The following FRMD4A variants were observed in gnomAD, a reference collection of about 807,000 sequenced individuals.
The protein encoded by FRMD4A is FERM domain containing 4A.
FRMD4A carries 29 observed loss-of-function variants against 129.1 expected under a neutral mutation model. The ratio of observed to expected loss-of-function variants is 0.22; its 90% confidence interval spans 0.17 to 0.31. FRMD4A has a LOEUF of 0.31. FRMD4A is among the 10% of genes least tolerant of loss of function. FRMD4A has a pLI of 1.00. For missense variants in FRMD4A, 1,272 were observed against 1,375.8 expected (o/e 0.92, Z 1.19); for synonymous variants, 634 against 571.6 (o/e 1.11, Z -1.56).
At chr10:14,154,154 T>C (rs1453937088) in intron 2 of FRMD4A, among the ~76,000 whole-genome samples, 3 of 152,178 alleles carry the variant, frequency 2.0e-5, no homozygotes. Context: ...TGTCTTTCTC[T>C]AGACTTCAAG....
intron 2 of FRMD4A, among the ~76,000 whole-genome samples, chr10:13,998,872 T>C (rs984678623): frequency 1.1e-4 from 17 of 152,318 alleles, no homozygotes; most frequent in Non-Finnish European, 1.9e-4. Context: ...GTAGCTAACG[T>C]CATCTTTCAG....
intron 15 of FRMD4A, among the ~76,000 whole-genome samples, chr10:13,681,665 T>C (rs1048554191): frequency 6.6e-6 from 1 of 152,214 alleles, no homozygotes; most frequent in African/African-American, 2.4e-5. Flanking sequence ...CAAACTGTTA[T>C]GTAGCTTCCT....
At chr10:13,682,679 T>G (rs1198761359) in intron 15 of FRMD4A, among the ~76,000 whole-genome samples, 1 of 151,664 alleles carries the variant, frequency 6.6e-6, no homozygotes, top group Admixed American at 6.6e-5. Flanking sequence ...TTTTATATTT[T>G]TAGTAGAGAT....
At chr10:14,080,076 A>T (rs1835837916) in intron 2 of FRMD4A, among the ~76,000 whole-genome samples, 1 of 152,154 alleles carries the variant, frequency 6.6e-6, no homozygotes, top group African/African-American at 2.4e-5. Flanking sequence ...TTGAATGTAA[A>T]ATGCTGTCTG....
intron 2 of FRMD4A, among the ~76,000 whole-genome samples, chr10:14,181,839 C>A (rs1199378378): frequency 6.6e-6 from 1 of 152,100 alleles, no homozygotes; most frequent in African/African-American, 2.4e-5. Flanking sequence ...TACAGATGTG[C>A]ACCAACATGC....
chr10:13,927,605 A>T (rs1236813669), intron 2 of FRMD4A, among the ~76,000 whole-genome samples: 2 of 152,210 alleles, frequency 1.3e-5, no homozygotes, highest in African/African-American at 4.8e-5. Flanking sequence ...GCATGAGGAA[A>T]CGATCAGAAC....
In FRMD4A at chr10:13,887,262, C is replaced by A. The variant is rs560885962; in HGVS notation, c.46-28350G>T. Among the ~76,000 whole-genome samples, 281 of 152,274 alleles carry A rather than the reference C, an allele frequency of 1.8e-3. 1 individual carries two copies. Among genetic ancestry groups the A allele is most frequent in the African/African-American group, 6.1e-3 (255 of 41,556 alleles). On this transcript the variant is annotated intron_variant, in intron 2 of 24. Transcript: ENST00000357447. ...ATAAGGCCCCTGAACTGAACCGGAT[C>A]CCCCATAGTCCTCTATTACTTTCCA...
chr10:13,791,993 A>C (rs2093012589), intron 5 of FRMD4A, among the ~76,000 whole-genome samples: 1 of 152,196 alleles, frequency 6.6e-6, no homozygotes, highest in Non-Finnish European at 1.5e-5. Context: ...GAGGTCCTGA[A>C]AATTCTTGCT....
intron 2 of FRMD4A, among the ~76,000 whole-genome samples, chr10:13,935,212 C>A (rs1034804004): frequency 6.6e-6 from 1 of 151,872 alleles, no homozygotes; most frequent in Non-Finnish European, 1.5e-5. Flanking sequence ...GCTGAGCAGG[C>A]GGATCACCTG....
At chr10:13,926,902 G>C (rs2095139805) in intron 2 of FRMD4A, among the ~76,000 whole-genome samples, 1 of 152,142 alleles carries the variant, frequency 6.6e-6, no homozygotes. Flanking sequence ...TTCCGAAGAA[G>C]GTAACATGGT....
At chr10:13,712,693 C>A (rs2088148257) in intron 12 of FRMD4A, among the ~76,000 whole-genome samples, 1 of 152,156 alleles carries the variant, frequency 6.6e-6, no homozygotes, top group Non-Finnish European at 1.5e-5. Context: ...GCCGTGACTC[C>A]CAATGCGATC....
chr10:13,979,157 G>A (rs928741123), intron 2 of FRMD4A, among the ~76,000 whole-genome samples: 3 of 152,054 alleles, frequency 2.0e-5, no homozygotes, highest in Non-Finnish European at 4.4e-5. Context: ...TTTTGAGTAC[G>A]TACTTCGCAA....
intron 14 of FRMD4A, among the ~76,000 whole-genome samples, chr10:13,701,016 G>T (rs892800099): frequency 1.3e-5 from 2 of 151,968 alleles, no homozygotes; most frequent in African/African-American, 4.8e-5. Flanking sequence ...CACCAAAAAG[G>T]GCTTGCCTTC....
chr10:13,936,628 A>G (rs1199418017), intron 2 of FRMD4A, among the ~76,000 whole-genome samples: 1 of 152,174 alleles, frequency 6.6e-6, no homozygotes, highest in Non-Finnish European at 1.5e-5. Context: ...AGCCCCTTTC[A>G]TACACCAAAT....
chr10:13,859,056 G>T, intron 2 of FRMD4A, 144 bp from the exon 3 acceptor site: 1 of 668,346 alleles, frequency 1.5e-6, no homozygotes, highest in East Asian at 2.6e-5. Context: ...CCAGGAGTTG[G>T]AAGGATCAGT....
At chr10:13,691,265 G>A (rs2085661080) in intron 15 of FRMD4A, among the ~76,000 whole-genome samples, 1 of 152,222 alleles carries the variant, frequency 6.6e-6, no homozygotes, top group South Asian at 2.1e-4. Flanking sequence ...TGGGATTACA[G>A]GCGTGAGCCA....
chr10:14,016,968 G>T (rs1392749807), intron 2 of FRMD4A, among the ~76,000 whole-genome samples: 2 of 152,202 alleles, frequency 1.3e-5, no homozygotes, highest in East Asian at 3.8e-4. Context: ...CAGAGATCTT[G>T]CTCACAAGCT....
intron 2 of FRMD4A, among the ~76,000 whole-genome samples, chr10:13,953,671 T>C (rs947190667): frequency 6.6e-6 from 1 of 152,204 alleles, no homozygotes; most frequent in African/African-American, 2.4e-5. Flanking sequence ...CTTAATAGCC[T>C]CAAGCACAAG....
chr10:14,212,591 C>T (rs1842962318), intron 2 of FRMD4A, among the ~76,000 whole-genome samples: 1 of 152,168 alleles, frequency 6.6e-6, no homozygotes, highest in South Asian at 2.1e-4. Context: ...ACAGTAGATC[C>T]TTAATGTGCA....
Sources: gnomAD v4.1 joint callset for allele counts (sites outside exome capture counted in the v4.1 genomes callset) on GRCh38, gnomAD v4.1.1 for gene constraint, MANE v1.5 for transcripts, NCBI Gene and HGNC (gene_info 2026-07-23, HGNC 2026-07-21) for gene names.